The following CRYBG1 variants were observed in gnomAD, a reference collection of about 807,000 sequenced individuals.
CRYBG1 encodes the protein beta/gamma crystallin domain-containing protein 1.
CRYBG1 carries 139 observed loss-of-function variants against 189.2 expected under a neutral mutation model. That is an observed-to-expected ratio of 0.73 (90% CI 0.64 to 0.85). The LOEUF (loss-of-function observed/expected upper bound fraction) is 0.85. CRYBG1 is among the 40% of genes least tolerant of loss of function. The probability of loss-of-function intolerance (pLI) is 0.00; values close to 1 mark genes in which losing one functional copy is unlikely to be tolerated. For missense variants in CRYBG1, 2,611 were observed against 2,675.8 expected (o/e 0.98, Z 0.53); for synonymous variants, 1,023 against 1,017.1 (o/e 1.01, Z -0.11).
intron 1 of CRYBG1, among the ~76,000 whole-genome samples, chr6:106,383,443 C>T (rs1400432745): frequency 6.6e-6 from 1 of 152,122 alleles, no homozygotes; most frequent in Non-Finnish European, 1.5e-5. Context: ...AATGCATGTC[C>T]CAAACTTATC....
At chr6:106,498,532 A>G (rs972969195) in intron 2 of CRYBG1, among the ~76,000 whole-genome samples, 8 of 152,222 alleles carry the variant, frequency 5.3e-5, no homozygotes, top group Non-Finnish European at 1.0e-4. Flanking sequence ...TAAAAATAAT[A>G]TAAATGAACA....
In CRYBG1 at chr6:106,435,599, TAATTA is replaced by T. The variant is rs201570171; in HGVS notation, c.174-16094_174-16090del. ...TTCCTTGCAAATTTAATTAATTAAT[TAATTA>T]TATTTATTTATTTTTGAGATGGAGT... On this transcript the variant is annotated intron_variant, in intron 1 of 21. Coordinates refer to ENST00000633556, the MANE Select transcript of CRYBG1 (RefSeq NM_001371242.2). 5.2e-3 allele frequency among the ~76,000 whole-genome samples: 770 copies of T among 149,100 alleles called. 7 individuals carry two copies. Among genetic ancestry groups the T allele is most frequent in the Non-Finnish European group, 7.7e-3 (513 of 66,320 alleles).
intron 2 of CRYBG1, among the ~76,000 whole-genome samples, chr6:106,455,473 G>T (rs1771866667): frequency 6.7e-6 from 1 of 149,866 alleles, no homozygotes; most frequent in Non-Finnish European, 1.5e-5. Context: ...TACCCTTTAT[G>T]AATTAAAGTG....
At chr6:106,547,302 G>A (rs1386920732) in intron 13 of CRYBG1, among the ~76,000 whole-genome samples, 1 of 152,138 alleles carries the variant, frequency 6.6e-6, no homozygotes, top group Non-Finnish European at 1.5e-5. Context: ...TTTGTCATTT[G>A]ACAAGTATTT....
chr6:106,554,226 T>C (rs1774479511), intron 16 of CRYBG1, among the ~76,000 whole-genome samples: 1 of 152,222 alleles, frequency 6.6e-6, no homozygotes, highest in Non-Finnish European at 1.5e-5. Flanking sequence ...ATAGTAGTAA[T>C]AGTGCCTTTA....
At chr6:106,433,357 C>G (rs1310350953) in intron 1 of CRYBG1, among the ~76,000 whole-genome samples, 1 of 152,112 alleles carries the variant, frequency 6.6e-6, no homozygotes, top group Non-Finnish European at 1.5e-5. Context: ...AGACTAGAAG[C>G]TGTTTGGAAG....
chr6:106,440,617 A>G (rs1469881918), intron 1 of CRYBG1, among the ~76,000 whole-genome samples: 1 of 152,070 alleles, frequency 6.6e-6, no homozygotes, highest in Non-Finnish European at 1.5e-5. Context: ...TCCATTATTA[A>G]TCACTATCAC....
chr6:106,402,357 A>G (rs1206912781), intron 1 of CRYBG1, among the ~76,000 whole-genome samples: 3 of 53,534 alleles, frequency 5.6e-5, no homozygotes, highest in Non-Finnish European at 1.1e-4. Flanking sequence ...CTAAGCCAAA[A>G]GAACAAAGCT....
intron 2 of CRYBG1, among the ~76,000 whole-genome samples, chr6:106,478,009 G>T (rs980293935): frequency 6.6e-6 from 1 of 152,268 alleles, no homozygotes; most frequent in African/African-American, 2.4e-5. Flanking sequence ...CACGGCTGTT[G>T]TTCTCCCTGG....
At chr6:106,539,363 G>A in intron 8 of CRYBG1, 40 bp from the exon 9 acceptor site, 5 of 1,605,482 alleles carry the variant, frequency 3.1e-6, no homozygotes, top group African/African-American at 2.7e-5. Flanking sequence ...AACAAATGAT[G>A]AGTCGGCTCC....
chr6:106,447,215 C>T (rs1011831431), intron 1 of CRYBG1, among the ~76,000 whole-genome samples: 1 of 152,156 alleles, frequency 6.6e-6, no homozygotes, highest in Admixed American at 6.5e-5. Context: ...TGACTATTCA[C>T]AAAGGAAACT....
chr6:106,429,686 C>A (rs1321354924), intron 1 of CRYBG1, among the ~76,000 whole-genome samples: 1 of 152,184 alleles, frequency 6.6e-6, no homozygotes, highest in Non-Finnish European at 1.5e-5. Flanking sequence ...CCCAGCTCCA[C>A]AACTTCCTGT....
At chr6:106,470,340 G>A (rs1303469132) in intron 2 of CRYBG1, among the ~76,000 whole-genome samples, 1 of 151,888 alleles carries the variant, frequency 6.6e-6, no homozygotes, top group Non-Finnish European at 1.5e-5. Flanking sequence ...AAAACAAAAC[G>A]AACAACCCTC....
chr6:106,555,184 A>G (rs1049007686), intron 16 of CRYBG1, among the ~76,000 whole-genome samples: 3 of 39,920 alleles, frequency 7.5e-5, no homozygotes, highest in Admixed American at 2.9e-4. Context: ...AAAAGAAAAG[A>G]AAAAAAGGAA....
At chr6:106,451,223 A>G (rs1384106697) in intron 1 of CRYBG1, among the ~76,000 whole-genome samples, 2 of 152,210 alleles carry the variant, frequency 1.3e-5, no homozygotes, top group Non-Finnish European at 2.9e-5. Flanking sequence ...GATAAATATT[A>G]TAATCCTAGG....
At chr6:106,497,638 G>A (rs962421128) in intron 2 of CRYBG1, among the ~76,000 whole-genome samples, 3 of 152,266 alleles carry the variant, frequency 2.0e-5, no homozygotes, top group Admixed American at 6.5e-5. Flanking sequence ...AGAAGAGAAA[G>A]AGCACAAACA....
At chr6:106,492,704 C>T (rs1772752765) in intron 2 of CRYBG1, among the ~76,000 whole-genome samples, 2 of 149,268 alleles carry the variant, frequency 1.3e-5, no homozygotes, top group Admixed American at 1.3e-4. Flanking sequence ...ATATACATAC[C>T]TCTAAATATT....
Position 106,560,856 on chromosome 6 carries a change from C to G in CRYBG1, c.5909C>G (p.Pro1970Arg). ...SYRGRQFLLSPAEVPNWYEFS... is the reference protein window; with the variant it reads ...SYRGRQFLLSRAEVPNWYEFS... Reference sequence around the variant, plus strand: ...AGAGGGCGACAGTTCCTATTGTCACCTGCAGAAGTACCTAATTGGTATGAA... The same window carrying G: ...AGAGGGCGACAGTTCCTATTGTCACGTGCAGAAGTACCTAATTGGTATGAA... The change falls in exon 19 of 22, where the codon CCT becomes CGT. Residue 1970 changes from proline (P) to arginine (R), a missense_variant. Pro to Arg is a moderately radical substitution (Grantham distance 103, BLOSUM62 -2). Around this residue, in one of 3 missense-constraint regions of CRYBG1, gnomAD observed 1,622 missense variants for 1,735.0 expected, o/e 0.93. Coordinates refer to ENST00000633556, the MANE Select transcript of CRYBG1 (RefSeq NM_001371242.2). The G allele has an allele frequency of 6.2e-7, 1 of 1,613,308 alleles. No individual in the cohort carries two copies. The highest frequency in any genetic ancestry group is 8.5e-7 in the Non-Finnish European group (1 of 1,179,708).
chr6:106,539,418 A>G lies in CRYBG1; in HGVS notation c.4734A>G (p.Glu1578=), dbSNP rs1437136389. 3.1e-6 allele frequency: 5 copies of G among 1,613,966 alleles called. No individual in the cohort carries two copies. In the Admixed American group the frequency reaches 8.3e-5, roughly 27 times the overall value. ...GGCTATTTAGGTGGCTGATTTATGA[A>G]GAACCTGGATTTCAGGGTGTTCCTT... The part of the protein sequence containing the change: ...KVHWGTWLIY[E]EPGFQGVPFI... The change falls in exon 9 of 22, where the codon GAA becomes GAG. Residue 1578 remains glutamate, a synonymous_variant. Coordinates refer to ENST00000633556, the MANE Select transcript of CRYBG1 (RefSeq NM_001371242.2).
Sources: gnomAD v4.1 joint callset for allele counts (sites outside exome capture counted in the v4.1 genomes callset) on GRCh38, gnomAD v4.1.1 for gene constraint, gnomAD v4.1.1 regional missense constraint, MANE v1.5 for transcripts, NCBI Gene and HGNC (gene_info 2026-07-23, HGNC 2026-07-21) for gene names.